Variants in CNBD1 observed in about 807,000 individuals in gnomAD.
CNBD1 encodes the protein cyclic nucleotide-binding domain-containing protein 1.
A neutral mutation model predicts 54.4 loss-of-function variants in CNBD1; 71 were observed. That is an observed-to-expected ratio of 1.30 (90% confidence interval 1.08 to 1.59). The LOEUF (loss-of-function observed/expected upper bound fraction) is 1.59, where lower values mean the gene tolerates loss of function less well. CNBD1 is among the 40% of genes most tolerant of loss of function. The probability of loss-of-function intolerance (pLI) is 0.00; values close to 1 mark genes in which losing one functional copy is unlikely to be tolerated. For synonymous variants in CNBD1, 182 were observed against 170.7 expected, an observed-to-expected ratio of 1.07 and a Z score of -0.51; for missense variants, 659 against 518.0, an observed-to-expected ratio of 1.27 and a Z score of -2.64.
chr8:87,075,908 C>T (rs750942704), intron 4 of CNBD1, among the ~76,000 whole-genome samples: 26 of 152,242 alleles, frequency 1.7e-4, no homozygotes, highest in Non-Finnish European at 2.4e-4. Context: ...ATATTATTAT[C>T]TTTTTATTTT....
At chr8:87,231,056 G>A (rs1242445049) in intron 5 of CNBD1, among the ~76,000 whole-genome samples, 1 of 152,134 alleles carries the variant, frequency 6.6e-6, no homozygotes, top group African/African-American at 2.4e-5. Flanking sequence ...GCTGAGAGCT[G>A]AAGGAAGAGA....
At chr8:87,294,515 C>G (rs187789344) in intron 8 of CNBD1, among the ~76,000 whole-genome samples, 6 of 152,154 alleles carry the variant, frequency 3.9e-5, no homozygotes, top group African/African-American at 1.2e-4. Flanking sequence ...CTCACTGTCT[C>G]CACTCCAAAG....
intron 4 of CNBD1, among the ~76,000 whole-genome samples, chr8:87,150,754 T>C (rs1006464679): frequency 2.0e-5 from 3 of 152,178 alleles, no homozygotes; most frequent in Admixed American, 6.5e-5. Flanking sequence ...TAATTGATAC[T>C]TTTTGAAGTT....
At chr8:87,027,495 C>T (rs1809675509) in intron 4 of CNBD1, among the ~76,000 whole-genome samples, 1 of 152,140 alleles carries the variant, frequency 6.6e-6, no homozygotes, top group Non-Finnish European at 1.5e-5. Flanking sequence ...TGGTCTTGAT[C>T]TATTGACCTC....
At chr8:87,255,442 T>A (rs1807991880) in intron 6 of CNBD1, among the ~76,000 whole-genome samples, 1 of 152,080 alleles carries the variant, frequency 6.6e-6, no homozygotes, top group Non-Finnish European at 1.5e-5. Flanking sequence ...ATGATTATAG[T>A]TTTTTGAGAA....
chr8:86,965,854 G>A (rs1037324207), intron 4 of CNBD1, among the ~76,000 whole-genome samples: 2 of 152,116 alleles, frequency 1.3e-5, no homozygotes, highest in African/African-American at 4.8e-5. Flanking sequence ...ATCATCCGTG[G>A]AGCCTTCAGT....
intron 4 of CNBD1, among the ~76,000 whole-genome samples, chr8:87,056,228 A>G (rs1810414612): frequency 6.6e-6 from 1 of 152,126 alleles, no homozygotes; most frequent in African/African-American, 2.4e-5. Flanking sequence ...CTCTAACTGC[A>G]GGAATGACAA....
chr8:87,369,932 G>C (rs1044092697), intron 10 of CNBD1, among the ~76,000 whole-genome samples: 20 of 151,542 alleles, frequency 1.3e-4, no homozygotes, highest in Non-Finnish European at 8.8e-5. Flanking sequence ...CTGTGTCCAT[G>C]TGTTCTCATT....
Position 86,866,493 on chromosome 8 carries a change from A to C in CNBD1, c.-3A>C, listed in dbSNP as rs1285737046. On this transcript the variant is annotated 5_prime_UTR_variant, in exon 1 of 11. Coordinates refer to ENST00000518476, the MANE Select transcript of CNBD1 (RefSeq NM_173538.3). ...GTCATCTATCTGCCTTTGAGCCATC[A>C]AGATGCCGATGTCTTCTCTTCCAGC... 1.9e-6 allele frequency: 3 copies of C among 1,608,686 alleles called. No homozygotes were observed. The highest frequency in any genetic ancestry group is 2.5e-6 in the Non-Finnish European group (3 of 1,177,322).
chr8:87,160,147 T>C (rs1163479826), intron 4 of CNBD1, among the ~76,000 whole-genome samples: 1 of 152,052 alleles, frequency 6.6e-6, no homozygotes, highest in Admixed American at 6.6e-5. Context: ...TGCTTTTCAC[T>C]GTAAGTTACT....
At chr8:86,879,859 G>A (rs888092358) in intron 1 of CNBD1, among the ~76,000 whole-genome samples, 3 of 132,106 alleles carry the variant, frequency 2.3e-5, no homozygotes, top group African/African-American at 5.9e-5. Flanking sequence ...GCGACAGAGC[G>A]AGAGTCCGTC....
At chr8:87,426,146 T>G (rs10094662) in intron 2 of CNBD1, among the ~76,000 whole-genome samples, 14 of 152,230 alleles carry the variant, frequency 9.2e-5, no homozygotes, top group South Asian at 4.1e-4. Flanking sequence ...TTGTGCTTCC[T>G]GAGTGAGGCA....
intron 4 of CNBD1, among the ~76,000 whole-genome samples, chr8:87,120,882 A>AT (rs1811875890): frequency 1.3e-5 from 2 of 151,888 alleles, no homozygotes; most frequent in Admixed American, 1.3e-4. Flanking sequence ...TTTTGTAGAT[A>AT]TTTTGTCAGG....
intron 5 of CNBD1, among the ~76,000 whole-genome samples, chr8:87,232,654 C>T (rs540882701): frequency 1.3e-5 from 2 of 152,130 alleles, no homozygotes; most frequent in South Asian, 2.1e-4. Context: ...TATATAAATA[C>T]TTGTCAATGT....
intron 4 of CNBD1, among the ~76,000 whole-genome samples, chr8:87,042,361 GA>G: frequency 6.6e-6 from 1 of 152,288 alleles, no homozygotes; most frequent in Non-Finnish European, 1.5e-5. Context: ...CCACGGTCTT[GA>G]AAAGAACTGC....
intron 6 of CNBD1, among the ~76,000 whole-genome samples, chr8:87,274,199 T>G (rs1286496657): frequency 6.6e-6 from 1 of 151,506 alleles, no homozygotes; most frequent in Admixed American, 6.6e-5. Context: ...GTTCCAAGTC[T>G]TTGCTATCGT....
chr8:87,254,670 G>A (rs12543932), intron 6 of CNBD1, among the ~76,000 whole-genome samples: 27,017 of 152,152 alleles, frequency 0.18, 2,871 homozygotes, highest in South Asian at 0.31. Context: ...TTCTTCTGGA[G>A]GAAATAAGTC....
intron 10 of CNBD1, among the ~76,000 whole-genome samples, chr8:87,357,447 C>G (rs1275986938): frequency 6.6e-6 from 1 of 152,184 alleles, no homozygotes; most frequent in Non-Finnish European, 1.5e-5. Context: ...CCAGTGTACC[C>G]ATAATTAGAG....
At chr8:86,949,372 T>C (rs901212730) in intron 4 of CNBD1, among the ~76,000 whole-genome samples, 2 of 152,172 alleles carry the variant, frequency 1.3e-5, no homozygotes, top group African/African-American at 4.8e-5. Flanking sequence ...TTGATTCTGC[T>C]AATACATGAA....
Sources: allele counts gnomAD v4.1 joint callset (sites outside exome capture counted in the v4.1 genomes callset), GRCh38; gene constraint gnomAD v4.1.1; transcripts MANE v1.5; gene names NCBI Gene and HGNC (gene_info 2026-07-23, HGNC 2026-07-21).